Variants in PCM1 observed in about 807,000 individuals in gnomAD.
PCM1 encodes the protein pericentriolar material 1, also known as pericentriolar material 1 protein.
In PCM1, 157 loss-of-function variants were observed where a neutral mutation model predicts 241.9. The ratio of observed to expected loss-of-function variants is 0.65; its 90% CI spans 0.57 to 0.74. PCM1 has a LOEUF of 0.74. Among genes scored for constraint, PCM1 ranks in the 30% least tolerant of loss-of-function variants. PCM1 has a pLI of 0.00. For synonymous variants in PCM1, 1,085 were observed against 784.9 expected (o/e 1.38, Z -6.39); for missense variants, 3,478 against 2,360.1 (o/e 1.47, Z -9.81).
intron 22 of PCM1, among the ~76,000 whole-genome samples, chr8:17,972,094 A>G (rs1241806061): frequency 1.3e-5 from 2 of 152,190 alleles, no homozygotes; most frequent in Non-Finnish European, 2.9e-5. Flanking sequence ...ATCTTTGATA[A>G]GGAACTTTTG....
At chr8:17,997,980 G>T (rs887977490) in intron 29 of PCM1, among the ~76,000 whole-genome samples, 1 of 150,942 alleles carries the variant, frequency 6.6e-6, no homozygotes, top group Non-Finnish European at 1.5e-5. Flanking sequence ...AGGTTGCAGT[G>T]AGCCGAGATT....
Position 17,967,066 on chromosome 8 carries a change from C to T in PCM1, c.3308C>T (p.Ser1103Leu), listed in dbSNP as rs199506881. 193 of 1,609,182 alleles carry T rather than the reference C, an allele frequency of 1.2e-4. No individual in the cohort carries two copies. The highest frequency in any genetic ancestry group is 1.5e-4 in the African/African-American group (11 of 74,882). The change falls in exon 21 of 39, where the codon TCG becomes TTG. Residue 1103 changes from serine to leucine, a missense_variant. Ser to Leu is a moderately radical substitution (Grantham distance 145, BLOSUM62 -2). Coordinates refer to ENST00000325083, the MANE Select transcript of PCM1 (RefSeq NM_006197.4). Reference protein sequence around the residue: ...PGGKERGSSASHPPSPSLFCP... With the variant: ...PGGKERGSSALHPPSPSLFCP... ...GGCAAGGAAAGAGGCAGTAGTGCAT[C>T]GCACCCTCCTTCTCCCAGTTTATTT...
At chr8:17,983,329 T>C (rs1257081478) in intron 24 of PCM1, 3 of 1,219,732 alleles carry the variant, frequency 2.5e-6, no homozygotes, top group Non-Finnish European at 3.3e-6. Flanking sequence ...TTTTTGTTAA[T>C]TTTTTCCCAT....
Position 17,947,134 on chromosome 8 carries a change from G to A in PCM1, c.784-52G>A, listed in dbSNP as rs143250926. The A allele has an allele frequency of 5.6e-4, 657 of 1,178,760 alleles. 6 individuals are homozygous for A. In the South Asian group the frequency reaches 7.0e-3, roughly 12 times the overall value. 73.0% of individuals were successfully genotyped at this position (1,178,760 alleles called of 1,614,324 possible). ...TACTTTGCCATTGATAATTGAAACC[G>A]CAACATGGATTTTAATAGTCAGATA... On this transcript the variant is annotated intron_variant, in intron 6 of 38. Coordinates refer to ENST00000325083, the MANE Select transcript of PCM1 (RefSeq NM_006197.4).
intron 34 of PCM1, among the ~76,000 whole-genome samples, chr8:18,013,194 G>A (rs1204991069): frequency 2.6e-5 from 4 of 152,138 alleles, no homozygotes; most frequent in Non-Finnish European, 5.9e-5. Context: ...CTGATATTCT[G>A]AAGCTAGATT....
intron 11 of PCM1, 136 bp downstream of exon 11, chr8:17,956,913 A>G: frequency 2.8e-6 from 2 of 709,212 alleles, no homozygotes; most frequent in Non-Finnish European, 2.3e-6. Context: ...GGTCAGTGTA[A>G]TCATCTCTGC....
intron 16 of PCM1, 74 bp from the exon 17 acceptor site, chr8:17,963,027 C>G: frequency 9.9e-7 from 1 of 1,010,948 alleles, no homozygotes; most frequent in Non-Finnish European, 1.5e-6. Flanking sequence ...ACTGACAATA[C>G]TAGTAGTCTT....
chr8:18,026,192 A>G (rs2094192399), intron 38 of PCM1, among the ~76,000 whole-genome samples: 3 of 149,952 alleles, frequency 2.0e-5, no homozygotes, highest in Non-Finnish European at 1.5e-5. Context: ...AAAAAAAAAA[A>G]AAAAAAAAAT....
chr8:17,968,193 T>C (rs1409097852), intron 21 of PCM1, among the ~76,000 whole-genome samples: 1 of 152,180 alleles, frequency 6.6e-6, no homozygotes, highest in Non-Finnish European at 1.5e-5. Context: ...TCAGGGAATT[T>C]AGAGGTATTT....
chr8:17,989,254 T>C lies in PCM1; in HGVS notation c.4411-605T>C, dbSNP rs548983317. ...AACCAGCAGAACTGATCTACAGTGA[T>C]AGAAATCATGAGTAGGGTGTGGTGG... is the stretch of plus-strand genomic sequence containing the variant. On this transcript the variant is annotated intron_variant, in intron 26 of 38. Coordinates refer to ENST00000325083, the MANE Select transcript of PCM1 (RefSeq NM_006197.4). 7.9e-4 allele frequency among the ~76,000 whole-genome samples: 120 copies of C among 152,044 alleles called. 2 individuals are homozygous for C. In the South Asian group the frequency reaches 0.023, roughly 29 times the overall value.
chr8:18,026,468 C>A (rs1255232583), intron 38 of PCM1, among the ~76,000 whole-genome samples: 1 of 151,326 alleles, frequency 6.6e-6, no homozygotes, highest in Non-Finnish European at 1.5e-5. Flanking sequence ...CACCAAGTTA[C>A]TCAGATGGTC....
At chr8:18,018,846 G>GTATA (rs1482448115) in intron 36 of PCM1, among the ~76,000 whole-genome samples, 24 of 60,000 alleles carry the variant, frequency 4.0e-4, no homozygotes, top group Middle Eastern at 0.012. Context: ...ATATGTGTGT[G>GTATA]TGTGTGTATA....
At position 17,962,248 on chromosome 8, in the gene PCM1, C is replaced by G. The variant is rs2072648140; in HGVS notation, c.2463+74C>G. ...TTTTTTTTTCTTCAATAAGGCACAT[C>G]TCAAGAAAGGAAACTGAATATCCTT... On this transcript the variant is annotated intron_variant, in intron 16 of 38. Transcript: ENST00000325083. 3.0e-6 allele frequency: 4 copies of G among 1,336,388 alleles called. No individual in the cohort carries two copies. In the South Asian group the frequency reaches 5.5e-5, roughly 19 times the overall value. 82.8% of individuals were successfully genotyped at this position (1,336,388 alleles called of 1,614,324 possible).
intron 23 of PCM1, among the ~76,000 whole-genome samples, chr8:17,974,656 T>C (rs1347825911): frequency 6.6e-6 from 1 of 152,208 alleles, no homozygotes; most frequent in African/African-American, 2.4e-5. Context: ...GTTTTAATTT[T>C]TCTGAAACCC....
intron 29 of PCM1, among the ~76,000 whole-genome samples, chr8:17,996,388 C>T (rs1439067881): frequency 1.3e-5 from 2 of 152,194 alleles, no homozygotes; most frequent in South Asian, 2.1e-4. Context: ...ATAAATCCCA[C>T]TTGGTCACGA....
intron 32 of PCM1, 27 bp from the exon 33 acceptor site, chr8:18,011,206 GAATT>G (rs766118009): frequency 5.2e-6 from 8 of 1,528,018 alleles, no homozygotes; most frequent in Non-Finnish European, 7.1e-6. Flanking sequence ...GTACTTTAAG[GAATT>G]AATTACTCAA....
chr8:18,028,101 C>A lies in PCM1; in HGVS notation c.*439C>A. On this transcript the variant is annotated 3_prime_UTR_variant, in exon 39 of 39. Coordinates refer to ENST00000325083, the MANE Select transcript of PCM1 (RefSeq NM_006197.4). ...ATATATTATTTGTTATAAAGCCCAT[C>A]CATTAGGCCAGTCTTCCAACTAATG... The A allele has an allele frequency of 4.9e-6, 1 of 204,878 alleles. No homozygotes were observed. Among genetic ancestry groups the A allele is most frequent in the Non-Finnish European group, 1.0e-5 (1 of 100,076 alleles). 12.7% of individuals were successfully genotyped at this position (204,878 alleles called of 1,614,324 possible).
At chr8:18,024,133 A>T (rs916984076) in intron 36 of PCM1, among the ~76,000 whole-genome samples, 5 of 152,196 alleles carry the variant, frequency 3.3e-5, no homozygotes, top group African/African-American at 7.2e-5. Context: ...TTTCCAATCA[A>T]TGCTTTTGTT....
intron 24 of PCM1, among the ~76,000 whole-genome samples, chr8:17,982,224 T>C (rs1344461615): frequency 6.6e-6 from 1 of 152,188 alleles, no homozygotes; most frequent in Non-Finnish European, 1.5e-5. Context: ...ACCCAGAATT[T>C]TACTAAAATT....
Sources: gnomAD v4.1 joint callset for allele counts (sites outside exome capture counted in the v4.1 genomes callset) on GRCh38, gnomAD v4.1.1 for gene constraint, MANE v1.5 for transcripts, NCBI Gene and HGNC (gene_info 2026-07-23, HGNC 2026-07-21) for gene names.